MICAL2: variants seen among roughly 807,000 people sequenced by gnomAD.
The protein encoded by MICAL2 is [F-actin]-monooxygenase MICAL2.
Under a neutral mutation model 127.3 loss-of-function variants are expected in MICAL2, and 77 were observed. That is an observed-to-expected ratio of 0.60 (90% CI 0.50 to 0.73). The LOEUF (loss-of-function observed/expected upper bound fraction) is 0.73. Among genes scored for constraint, MICAL2 ranks in the 30% least tolerant of loss-of-function variants. The pLI, the probability that MICAL2 is intolerant of heterozygous loss-of-function variation, is 0.00. For missense variants in MICAL2, 1,351 were observed against 1,434.4 expected, an observed-to-expected ratio of 0.94 and a Z score of 0.94; for synonymous variants, 570 against 551.1, an observed-to-expected ratio of 1.03 and a Z score of -0.48.
chr11:12,251,444 A>T (rs182490588), intron 22 of MICAL2, among the ~76,000 whole-genome samples: 1 of 151,524 alleles, frequency 6.6e-6, no homozygotes, highest in East Asian at 1.9e-4. Context: ...GTTCTCCATC[A>T]CCTTATTTCC....
intron 15 of MICAL2, among the ~76,000 whole-genome samples, chr11:12,231,462 G>A (rs1329375699): frequency 6.6e-6 from 1 of 152,178 alleles, no homozygotes; most frequent in East Asian, 1.9e-4. Flanking sequence ...TCCTCTTCCT[G>A]AGCCACCTGC....
At position 12,220,207 on chromosome 11, in the gene MICAL2, A is replaced by T. The variant is rs200523154; in HGVS notation, c.955A>T (p.Ile319Phe). The T allele has an allele frequency of 6.2e-7, 1 of 1,614,016 alleles. No individual in the cohort carries two copies. The stretch of plus-strand genomic sequence containing the variant: ...ATGTTTTCATCTTCCCCAGGACTAC[A>T]TCGACACAGAGATGCTGCTGTGTGC... ...LDKGVIINDYIDTEMLLCAEN... is the reference protein window; with the variant it reads ...LDKGVIINDYFDTEMLLCAEN... Residue 319 changes from isoleucine (I) to phenylalanine (F), a missense_variant, in exon 9 of 28, where the codon ATC becomes TTC. Physicochemically the swap from Ile to Phe is conservative, Grantham distance 21 (BLOSUM62 0). This residue lies in a region of MICAL2 where 599 missense variants were observed against 714.9 expected (regional missense o/e 0.84). Coordinates refer to ENST00000683283, the MANE Select transcript of MICAL2 (RefSeq NM_001282663.2).
intron 2 of MICAL2, among the ~76,000 whole-genome samples, chr11:12,147,882 C>CTATTT (rs1853116922): frequency 6.6e-6 from 1 of 152,008 alleles, no homozygotes. Flanking sequence ...GGATTCTATT[C>CTATTT]GGGAACAGGC....
At position 12,204,155 on chromosome 11, in the gene MICAL2, A is replaced by C. The variant is rs1854375227; in HGVS notation, c.265-95A>C. 3.4e-6 allele frequency: 4 copies of C among 1,187,004 alleles called. No individual in the cohort carries two copies. In the South Asian group the frequency reaches 5.4e-5, roughly 16 times the overall value. 73.5% of individuals were successfully genotyped at this position (1,187,004 alleles called of 1,614,324 possible). A position where few individuals can be genotyped will look rare whatever the true frequency, so the allele number is the denominator to read the frequency against. The stretch of plus-strand genomic sequence containing the variant: ...TGCACTTGCTGGTTGGTTCAGGAAG[A>C]GTGGGATTTGCGCTTCAGTTTTCCT... On this transcript the variant is annotated intron_variant, in intron 3 of 27. Transcript: ENST00000683283.
At chr11:12,258,381 G>T in intron 24 of MICAL2, 87 bp from the exon 25 acceptor site, 3 of 995,052 alleles carry the variant, frequency 3.0e-6, no homozygotes, top group Non-Finnish European at 4.8e-6. Flanking sequence ...TTTCTGACTT[G>T]GACAGTGGTG....
intron 31 of MICAL2, chr11:12,324,194 G>A (rs1004669021): frequency 1.7e-6 from 2 of 1,159,466 alleles, no homozygotes; most frequent in South Asian, 3.8e-5. Context: ...GGTCAGTCTT[G>A]TTCTCTGAGG....
intron 32 of MICAL2, among the ~76,000 whole-genome samples, chr11:12,341,733 A>G (rs997575038): frequency 6.6e-6 from 1 of 152,194 alleles, no homozygotes; most frequent in Non-Finnish European, 1.5e-5. Context: ...AGGCTGAGGC[A>G]AAAGAATAGC....
intron 3 of MICAL2, chr11:12,197,890 T>G (rs181098585): frequency 6.6e-6 from 1 of 152,218 alleles, no homozygotes; most frequent in African/African-American, 2.4e-5. Context: ...TTAGTTGGTT[T>G]TTTTAGGGAA....
intron 15 of MICAL2, among the ~76,000 whole-genome samples, chr11:12,231,956 C>T (rs117349541): frequency 1.3e-5 from 2 of 152,298 alleles, no homozygotes; most frequent in Non-Finnish European, 2.9e-5. Context: ...CACAGATTTA[C>T]GTCTGCTGGG....
chr11:12,213,261 GAAGAA>G lies in MICAL2; in HGVS notation c.704_708del (p.Lys235IlefsTer28). On this transcript the variant is annotated frameshift_variant, in exon 7 of 28. Transcript: ENST00000683283. LOFTEE classifies it high-confidence loss of function. ...TTCATTTCTCCTCATGCAGGGTTCAGAAGAAAAGAATTCCGTGGGAAGCTGGCGAT... is the reference window on the plus strand; with the variant it reads ...TTCATTTCTCCTCATGCAGGGTTCAGAAGAATTCCGTGGGAAGCTGGCGAT... 7 of 1,611,780 alleles carry G rather than the reference GAAGAA, an allele frequency of 4.3e-6. No individual in the cohort carries two copies. The highest frequency in any genetic ancestry group is 5.1e-6 in the Non-Finnish European group (6 of 1,178,872).
intron 32 of MICAL2, among the ~76,000 whole-genome samples, chr11:12,346,813 C>T (rs553311921): frequency 6.6e-6 from 1 of 152,308 alleles, no homozygotes; most frequent in Non-Finnish European, 1.5e-5. Flanking sequence ...AGATGTTGGC[C>T]CTCAATGTTT....
At chr11:12,289,835 C>G (rs1055064302), downstream of MICAL2, among the ~76,000 whole-genome samples, 1 of 152,200 alleles carries the variant, frequency 6.6e-6, no homozygotes, top group African/African-American at 2.4e-5. Flanking sequence ...TCCAAAAGTG[C>G]TCTGATTACA....
At chr11:12,235,509 C>G (rs1273842863) in intron 15 of MICAL2, among the ~76,000 whole-genome samples, 1 of 152,158 alleles carries the variant, frequency 6.6e-6, no homozygotes, top group African/African-American at 2.4e-5. Context: ...TCAGAACTAC[C>G]CTCCACCTCC....
chr11:12,241,681 G>C (rs1859986404), intron 18 of MICAL2, among the ~76,000 whole-genome samples: 1 of 152,204 alleles, frequency 6.6e-6, no homozygotes, highest in Non-Finnish European at 1.5e-5. Flanking sequence ...GTGCTCCTGA[G>C]TTTGGAATCT....
At chr11:12,136,396 G>A (rs1026293741) in intron 1 of MICAL2, among the ~76,000 whole-genome samples, 3 of 152,112 alleles carry the variant, frequency 2.0e-5, no homozygotes, top group East Asian at 1.9e-4. Flanking sequence ...TAATGATACC[G>A]TACTACCTGT....
chr11:12,112,355 C>A (rs550525423), intron 1 of MICAL2, among the ~76,000 whole-genome samples: 1 of 152,296 alleles, frequency 6.6e-6, no homozygotes, highest in South Asian at 2.1e-4. Flanking sequence ...TATCCTCCCC[C>A]TAGTCAAGAG....
At chr11:12,327,190 G>A in exon 32 of MICAL2, 1 of 1,551,760 alleles carries the variant, frequency 6.4e-7, no homozygotes, top group Non-Finnish European at 8.7e-7. Context: ...AGAGGCAGCT[G>A]GAGGAGGTGG....
chr11:12,255,569 G>A, intron 22 of MICAL2, 74 bp from the exon 23 acceptor site: 1 of 1,328,018 alleles, frequency 7.5e-7, no homozygotes, highest in South Asian at 1.2e-5. Flanking sequence ...CATCCATCCT[G>A]CTTGTGTTTT....
At chr11:12,315,557 C>T (rs993859097) in intron 29 of MICAL2, among the ~76,000 whole-genome samples, 7 of 151,946 alleles carry the variant, frequency 4.6e-5, no homozygotes, top group African/African-American at 9.7e-5. Flanking sequence ...AGTATCTTTC[C>T]GTTATTAATT....
Sources: gnomAD v4.1 joint callset for allele counts (sites outside exome capture counted in the v4.1 genomes callset) on GRCh38, gnomAD v4.1.1 for gene constraint, gnomAD v4.1.1 regional missense constraint, MANE v1.5 for transcripts, NCBI Gene and HGNC (gene_info 2026-07-23, HGNC 2026-07-21) for gene names.